FGF14: variants seen among roughly 807,000 people sequenced by gnomAD.
FGF14 encodes the protein fibroblast growth factor homologous factor 4.
FGF14 carries 5 observed loss-of-function variants against 25.5 expected under a neutral mutation model. The observed-to-expected ratio is 0.20, with a 90% CI of 0.10 to 0.41. The LOEUF (loss-of-function observed/expected upper bound fraction) is 0.41. FGF14 is among the 10% of genes least tolerant of loss of function. FGF14 has a pLI of 1.00. For missense variants in FGF14, 222 were observed against 320.1 expected, an observed-to-expected ratio of 0.69 and a Z score of 2.34; for synonymous variants, 138 against 118.3, an observed-to-expected ratio of 1.17 and a Z score of -1.08.
At chr13:102,378,199 C>A (rs1048172802) in intron 1 of FGF14, among the ~76,000 whole-genome samples, 5 of 152,124 alleles carry the variant, frequency 3.3e-5, no homozygotes, top group Non-Finnish European at 5.9e-5. Context: ...AAACTATGAA[C>A]TCTGAGTGAT....
At chr13:101,894,780 C>T (rs2030372465) in intron 1 of FGF14, among the ~76,000 whole-genome samples, 1 of 152,128 alleles carries the variant, frequency 6.6e-6, no homozygotes, top group South Asian at 2.1e-4. Flanking sequence ...GAGAAATCTA[C>T]TTAGTAGCAA....
chr13:101,766,708 A>C (rs138048290), intron 3 of FGF14, among the ~76,000 whole-genome samples: 543 of 152,296 alleles, frequency 3.6e-3, no homozygotes, highest in Middle Eastern at 0.02. Flanking sequence ...TTTACTTTAA[A>C]TAAGGTCATA....
In FGF14 at chr13:101,720,552, GTGTGTGTGTGTGTA is replaced by G. The variant is rs957565795; in HGVS notation, c.*2265_*2278del. The G allele has an allele frequency of 3.3e-5, 5 of 151,330 alleles. No homozygotes were observed. Among genetic ancestry groups the G allele is most frequent in the Non-Finnish European group, 7.4e-5 (5 of 67,896 alleles). 9.4% of individuals were successfully genotyped at this position (151,330 alleles called of 1,614,324 possible). ...GCTCTGTGTGTGTGTGTGTGTGTGT[GTGTGTGTGTGTGTA>G]TATGTGTGTGTTTGTGTGAAGTGAA... On this transcript the variant is annotated 3_prime_UTR_variant, in exon 5 of 5. Coordinates refer to ENST00000376143, the MANE Select transcript of FGF14 (RefSeq NM_004115.4).
intron 1 of FGF14, among the ~76,000 whole-genome samples, chr13:101,977,673 G>A (rs758068787): frequency 2.0e-5 from 3 of 152,128 alleles, no homozygotes; most frequent in African/African-American, 4.8e-5. Context: ...AATGGAAACC[G>A]AGTGATCCCT....
At chr13:101,949,023 G>T (rs1263128730) in intron 1 of FGF14, among the ~76,000 whole-genome samples, 1 of 152,100 alleles carries the variant, frequency 6.6e-6, no homozygotes, top group African/African-American at 2.4e-5. Flanking sequence ...TTTTCCAGTT[G>T]TATGGGTGTG....
In FGF14 at chr13:101,796,741, C is replaced by T. The variant is rs1329851361; in HGVS notation, c.409-69931G>A. Among the ~76,000 whole-genome samples, 8 of 152,066 alleles carry T rather than the reference C, an allele frequency of 5.3e-5. No homozygotes were observed. The South Asian group carries it at 6.2e-4, about 12-fold the overall frequency. On this transcript the variant is annotated intron_variant, in intron 3 of 4. Coordinates refer to ENST00000376143, the MANE Select transcript of FGF14 (RefSeq NM_004115.4). The stretch of plus-strand genomic sequence containing the variant: ...GAGGCCTCAGAAGAAACAATCCTGC[C>T]GGCACCTTGATTTCAGAATTCCAGC...
chr13:101,950,821 A>G (rs1054982673), intron 1 of FGF14, among the ~76,000 whole-genome samples: 1 of 148,104 alleles, frequency 6.8e-6, no homozygotes, highest in Non-Finnish European at 1.5e-5. Context: ...TTGCAGAGTT[A>G]AAAAGAAAAT....
intron 1 of FGF14, among the ~76,000 whole-genome samples, chr13:102,324,778 T>G (rs2056368721): frequency 6.6e-6 from 1 of 152,208 alleles, no homozygotes; most frequent in Admixed American, 6.5e-5. Flanking sequence ...TTTTCTCTAT[T>G]AAAGACAGAT....
intron 1 of FGF14, among the ~76,000 whole-genome samples, chr13:102,307,619 T>C (rs1017764220): frequency 1.3e-5 from 2 of 152,172 alleles, no homozygotes; most frequent in African/African-American, 4.8e-5. Context: ...GTGCTTCACA[T>C]AGCAATAATA....
chr13:102,384,301 G>A (rs937086788), intron 1 of FGF14, among the ~76,000 whole-genome samples: 1 of 152,132 alleles, frequency 6.6e-6, no homozygotes, highest in Non-Finnish European at 1.5e-5. Context: ...AGAACTACTA[G>A]AGGTATATTT....
chr13:101,953,844 C>T (rs1356947269), intron 1 of FGF14, among the ~76,000 whole-genome samples: 1 of 152,032 alleles, frequency 6.6e-6, no homozygotes, highest in East Asian at 1.9e-4. Context: ...CCCACCTCGG[C>T]CTCTCAAAGT....
At chr13:101,946,114 G>A (rs544077235) in intron 1 of FGF14, among the ~76,000 whole-genome samples, 121 of 152,052 alleles carry the variant, frequency 8.0e-4, no homozygotes, top group African/African-American at 2.8e-3. Flanking sequence ...AAGTCACCTT[G>A]GGTTGGGGCA....
chr13:102,276,113 C>G (rs945319092), intron 1 of FGF14, among the ~76,000 whole-genome samples: 8 of 151,654 alleles, frequency 5.3e-5, no homozygotes, highest in African/African-American at 1.9e-4. Context: ...ATTGTTCAGT[C>G]TGAGACGTAG....
At chr13:101,959,918 A>G (rs1047084647) in intron 1 of FGF14, among the ~76,000 whole-genome samples, 1 of 152,208 alleles carries the variant, frequency 6.6e-6, no homozygotes, top group Non-Finnish European at 1.5e-5. Context: ...CTGGAGATGA[A>G]GTCTAAAACT....
intron 1 of FGF14, among the ~76,000 whole-genome samples, chr13:102,271,262 T>A (rs562623106): frequency 5.1e-4 from 77 of 152,306 alleles, no homozygotes; most frequent in African/African-American, 1.8e-3. Flanking sequence ...TTTTTATATC[T>A]CATATTGGTT....
At chr13:102,128,389 T>C (rs989465990) in intron 1 of FGF14, among the ~76,000 whole-genome samples, 2 of 152,174 alleles carry the variant, frequency 1.3e-5, no homozygotes, top group Non-Finnish European at 2.9e-5. Context: ...GACAAGTGGA[T>C]TGGCCAAGTA....
chr13:101,714,556 A>C lies in FGF14; in HGVS notation c.*8275T>G. The C allele has an allele frequency of 6.6e-7, 1 of 1,518,326 alleles. No homozygotes were observed. Among genetic ancestry groups the C allele is most frequent in the Non-Finnish European group, 9.1e-7 (1 of 1,093,062 alleles). 94.1% of individuals were successfully genotyped at this position (1,518,326 alleles called of 1,614,324 possible). On this transcript the variant is annotated 3_prime_UTR_variant, in exon 5 of 5. Coordinates refer to ENST00000376143, the MANE Select transcript of FGF14 (RefSeq NM_004115.4). ...ATGATGGTCTCATTTGTACAGGTGCAGTATTAACCTTTTCTAATTGCTCTA... is the reference window on the plus strand; with the variant it reads ...ATGATGGTCTCATTTGTACAGGTGCCGTATTAACCTTTTCTAATTGCTCTA...
intron 1 of FGF14, among the ~76,000 whole-genome samples, chr13:102,138,055 GC>G (rs1484801664): frequency 2.0e-5 from 3 of 148,902 alleles, no homozygotes; most frequent in Admixed American, 6.7e-5. Context: ...CTCCTCCATC[GC>G]CCTGGCCTGA....
chr13:101,889,651 A>C (rs1376827393), intron 1 of FGF14, among the ~76,000 whole-genome samples: 1 of 152,222 alleles, frequency 6.6e-6, no homozygotes, highest in East Asian at 1.9e-4. Context: ...GATAAAAGAA[A>C]GAGCAAGGGA....
Sources: gnomAD v4.1 joint callset for allele counts (sites outside exome capture counted in the v4.1 genomes callset) on GRCh38, gnomAD v4.1.1 for gene constraint, MANE v1.5 for transcripts, NCBI Gene and HGNC (gene_info 2026-07-23, HGNC 2026-07-21) for gene names.